ZNF608: variants seen among roughly 807,000 people sequenced by gnomAD.
ZNF608 encodes the protein zinc finger protein 608.
In ZNF608, 12 loss-of-function variants were observed where a neutral mutation model predicts 109.0. That is an observed-to-expected ratio of 0.11 (90% CI 0.07 to 0.18). ZNF608 has a LOEUF of 0.18. Ranked by LOEUF, ZNF608 falls within the 10% of genes least tolerant of loss-of-function variation. ZNF608 has a pLI of 1.00. For missense variants in ZNF608, 1,707 were observed against 1,879.3 expected, an observed-to-expected ratio of 0.91 and a Z score of 1.70; for synonymous variants, 732 against 717.4, an observed-to-expected ratio of 1.02 and a Z score of -0.33.
At chr5:124,696,329 A>G (rs906764863) in intron 3 of ZNF608, among the ~76,000 whole-genome samples, 4 of 152,224 alleles carry the variant, frequency 2.6e-5, no homozygotes, top group African/African-American at 9.6e-5. Flanking sequence ...ACAAGCATTC[A>G]TCCTCTCACA....
At chr5:124,710,201 A>G (rs1753432497) in intron 2 of ZNF608, 1 of 455,800 alleles carries the variant, frequency 2.2e-6, no homozygotes, top group African/African-American at 2.0e-5. Flanking sequence ...TGCAGACATG[A>G]TTTTAAGAAG....
intron 2 of ZNF608, among the ~76,000 whole-genome samples, chr5:124,743,119 A>G (rs1056808639): frequency 6.6e-6 from 1 of 152,054 alleles, no homozygotes; most frequent in African/African-American, 2.4e-5. Flanking sequence ...GTGTCGGGGC[A>G]GGCAGTTCTT....
At chr5:124,678,365 A>G (rs1049448719) in intron 3 of ZNF608, among the ~76,000 whole-genome samples, 2 of 152,194 alleles carry the variant, frequency 1.3e-5, no homozygotes, top group African/African-American at 4.8e-5. Context: ...TTAACTATGG[A>G]AATCCACATA....
chr5:124,643,739 T>C, intron 6 of ZNF608, 56 bp from the exon 7 acceptor site: 1 of 1,563,488 alleles, frequency 6.4e-7, no homozygotes, highest in Non-Finnish European at 8.7e-7. Context: ...TTAAAAAAAA[T>C]CATTTGGGTT....
In ZNF608 at chr5:124,673,716, G is replaced by A. The variant is rs138603719; in HGVS notation, c.1163-24019C>T. Among the ~76,000 whole-genome samples the A allele has an allele frequency of 3.9e-3, 591 of 152,232 alleles. 6 individuals carry two copies. The highest frequency in any genetic ancestry group is 0.014 in the African/African-American group (568 of 41,550). Reference sequence around the variant, plus strand: ...AGCCTAAATAGAAAATGGAGTAGGGGAGAGGAAACCTCAGGTATAATAAGA... The same window carrying A: ...AGCCTAAATAGAAAATGGAGTAGGGAAGAGGAAACCTCAGGTATAATAAGA... On this transcript the variant is annotated intron_variant, in intron 3 of 9. Coordinates refer to ENST00000513986, the MANE Select transcript of ZNF608 (RefSeq NM_020747.3).
intron 2 of ZNF608, among the ~76,000 whole-genome samples, chr5:124,732,389 G>A (rs1025703319): frequency 3.9e-5 from 6 of 152,120 alleles, no homozygotes; most frequent in African/African-American, 1.4e-4. Flanking sequence ...GAGTTGAGGA[G>A]TGTTTAGAAT....
intron 2 of ZNF608, among the ~76,000 whole-genome samples, chr5:124,721,147 CAGGTGCAAT>C: frequency 6.6e-6 from 1 of 152,124 alleles, no homozygotes; most frequent in Non-Finnish European, 1.5e-5. Context: ...CTGGGGAAAC[CAGGTGCAAT>C]ATAACTGATT....
At chr5:124,654,202 T>A (rs969440888) in intron 3 of ZNF608, among the ~76,000 whole-genome samples, 7 of 152,040 alleles carry the variant, frequency 4.6e-5, no homozygotes, top group Non-Finnish European at 1.0e-4. Context: ...TATTTTTTTT[T>A]AATGAGATGG....
chr5:124,729,616 C>CT (rs1219003490), intron 2 of ZNF608, among the ~76,000 whole-genome samples: 1 of 152,110 alleles, frequency 6.6e-6, no homozygotes, highest in African/African-American at 2.4e-5. Flanking sequence ...AAATACTGTA[C>CT]TTCTATATGT....
intron 3 of ZNF608, among the ~76,000 whole-genome samples, chr5:124,667,798 A>C (rs1341237800): frequency 6.6e-6 from 1 of 152,234 alleles, no homozygotes; most frequent in Non-Finnish European, 1.5e-5. Context: ...CAAGGAAGGC[A>C]ATAAGTAACT....
intron 2 of ZNF608, chr5:124,710,591 C>G (rs1753450430): frequency 6.2e-6 from 1 of 161,466 alleles, no homozygotes; most frequent in African/African-American, 2.4e-5. Context: ...TCACTTTCCT[C>G]CCTGCAAAAT....
At chr5:124,737,339 G>C (rs115699895) in intron 2 of ZNF608, among the ~76,000 whole-genome samples, 42 of 152,274 alleles carry the variant, frequency 2.8e-4, no homozygotes, top group African/African-American at 9.9e-4. Context: ...GAGGCAGAAA[G>C]CTCAGTAGTT....
chr5:124,697,449 A>C (rs1314871464), intron 3 of ZNF608, among the ~76,000 whole-genome samples: 1 of 152,214 alleles, frequency 6.6e-6, no homozygotes, highest in Non-Finnish European at 1.5e-5. Context: ...AATAAATGCT[A>C]AGGAAATTCT....
chr5:124,649,909 C>A (rs537909459), intron 3 of ZNF608, among the ~76,000 whole-genome samples: 1 of 152,176 alleles, frequency 6.6e-6, no homozygotes, highest in Admixed American at 6.5e-5. Context: ...CGTGCGCGTG[C>A]GCATGTGGTA....
chr5:124,699,573 T>C (rs978536683), intron 3 of ZNF608, among the ~76,000 whole-genome samples: 3 of 152,356 alleles, frequency 2.0e-5, no homozygotes, highest in Middle Eastern at 3.4e-3. Context: ...TCTGATTCTT[T>C]CTTGTGTATT....
At chr5:124,681,327 G>A (rs1240698792) in intron 3 of ZNF608, among the ~76,000 whole-genome samples, 2 of 151,976 alleles carry the variant, frequency 1.3e-5, no homozygotes, top group Non-Finnish European at 2.9e-5. Context: ...CGTGATGGTG[G>A]GAGCCTGTAA....
intron 3 of ZNF608, among the ~76,000 whole-genome samples, chr5:124,663,480 T>C (rs1312961048): frequency 6.6e-6 from 1 of 152,214 alleles, no homozygotes; most frequent in Non-Finnish European, 1.5e-5. Flanking sequence ...ACAATGTGAA[T>C]GCTTCAAGTG....
At chr5:124,715,915 G>A (rs935950098) in intron 2 of ZNF608, among the ~76,000 whole-genome samples, 3 of 151,824 alleles carry the variant, frequency 2.0e-5, no homozygotes, top group East Asian at 1.9e-4. Flanking sequence ...AGGCCGAGGC[G>A]GGCGGATCAC....
chr5:124,729,074 G>T (rs1390668628), intron 2 of ZNF608, among the ~76,000 whole-genome samples: 1 of 152,242 alleles, frequency 6.6e-6, no homozygotes, highest in Non-Finnish European at 1.5e-5. Context: ...TGCACAGGAA[G>T]CAACCAGAAG....
Sources: allele counts gnomAD v4.1 joint callset (sites outside exome capture counted in the v4.1 genomes callset), GRCh38; gene constraint gnomAD v4.1.1; transcripts MANE v1.5; gene names NCBI Gene and HGNC (gene_info 2026-07-23, HGNC 2026-07-21).